The following SRRM3 variants were observed in gnomAD, a reference collection of about 807,000 sequenced individuals.
The protein encoded by SRRM3 is serine/arginine repetitive matrix 3.
In SRRM3, 27 loss-of-function variants were observed where a neutral mutation model predicts 66.2. The observed-to-expected ratio is 0.41, with a 90% confidence interval of 0.30 to 0.56. SRRM3 has a LOEUF of 0.56. Ranked by LOEUF, SRRM3 falls within the 20% of genes least tolerant of loss-of-function variation. SRRM3 has a pLI of 0.32. For missense variants in SRRM3, 918 were observed against 991.9 expected, an observed-to-expected ratio of 0.93 and a Z score of 1.00; for synonymous variants, 391 against 414.9, an observed-to-expected ratio of 0.94 and a Z score of 0.70.
chr7:76,248,128 C>A, intron 2 of SRRM3, 60 bp from the exon 3 acceptor site: 1 of 1,395,700 alleles, frequency 7.2e-7, no homozygotes. Context: ...GAGTGCGGGG[C>A]AGGAAAGAGG....
chr7:76,285,785 C>G lies in SRRM3; in HGVS notation c.1904C>G (p.Ser635Trp). 6.4e-7 allele frequency: 1 copy of G among 1,550,890 alleles called. No homozygotes were observed. The change falls in exon 15 of 15, where the codon TCG becomes TGG. Residue 635 changes from serine to tryptophan, a missense_variant. Transcript: ENST00000611745. The surrounding 1 kb of genome is among the most constrained non-coding windows in gnomAD (Gnocchi z 4.1). ...HGTRSRTRSP[S>W]RTPSPSYHSR... ...ACCCGCAGCCGGACACGCAGCCCCTCGAGGACCCCCAGTCCCAGCTACCAC... is the reference window on the plus strand; with the variant it reads ...ACCCGCAGCCGGACACGCAGCCCCTGGAGGACCCCCAGTCCCAGCTACCAC...
chr7:76,247,383 A>C (rs1801468953), intron 2 of SRRM3, among the ~76,000 whole-genome samples: 1 of 151,920 alleles, frequency 6.6e-6, no homozygotes, highest in South Asian at 2.1e-4. Context: ...TTACCCTTGC[A>C]GAAATGGGGG....
chr7:76,225,509 C>G (rs1554603658), intron 1 of SRRM3, among the ~76,000 whole-genome samples: 2 of 138,510 alleles, frequency 1.4e-5, no homozygotes, highest in Non-Finnish European at 3.1e-5. Context: ...AGAGGCTTCT[C>G]AGCCCCGGCA....
intron 11 of SRRM3, among the ~76,000 whole-genome samples, chr7:76,272,089 C>T (rs912094646): frequency 6.6e-6 from 1 of 152,172 alleles, no homozygotes; most frequent in Non-Finnish European, 1.5e-5. Flanking sequence ...CCCTCCTGTC[C>T]AGTCTTACCT....
At chr7:76,207,796 G>A (rs1800337083) in intron 1 of SRRM3, among the ~76,000 whole-genome samples, 1 of 152,188 alleles carries the variant, frequency 6.6e-6, no homozygotes, top group African/African-American at 2.4e-5. Context: ...AGGATCGCTT[G>A]AGCTCAGGAG....
intron 2 of SRRM3, among the ~76,000 whole-genome samples, chr7:76,242,986 A>T (rs892681116): frequency 6.6e-6 from 1 of 152,158 alleles, no homozygotes; most frequent in Non-Finnish European, 1.5e-5. Flanking sequence ...CCTCTGTAAT[A>T]GAGTGAGAAC....
chr7:76,254,237 T>C (rs1554607360), intron 3 of SRRM3, among the ~76,000 whole-genome samples: 1 of 151,544 alleles, frequency 6.6e-6, no homozygotes, highest in African/African-American at 2.4e-5. Context: ...CCCAGGCTGG[T>C]TTTAAACTCC....
At chr7:76,242,217 G>C (rs1473864012) in intron 2 of SRRM3, among the ~76,000 whole-genome samples, 4 of 152,288 alleles carry the variant, frequency 2.6e-5, no homozygotes, top group African/African-American at 9.6e-5. Context: ...GGGCGAGGTG[G>C]CTCACGCCTG....
intron 1 of SRRM3, among the ~76,000 whole-genome samples, chr7:76,225,526 G>A (rs2116974014): frequency 7.5e-6 from 1 of 132,546 alleles, no homozygotes. Context: ...GGCAGCAAAT[G>A]GGGCCCCCTG....
intron 10 of SRRM3, among the ~76,000 whole-genome samples, chr7:76,266,302 A>ATT (rs1554609642): frequency 8.7e-6 from 1 of 114,438 alleles, no homozygotes; most frequent in African/African-American, 3.6e-5. Context: ...TATTTAATAT[A>ATT]AATATTAACA....
chr7:76,281,701 C>T lies in SRRM3; in HGVS notation c.1269C>T (p.Leu423=). ...PAPPRGSSRS[L]SRARSSSDSG... is the part of the protein sequence containing the mutation. Reference sequence around the variant, plus strand: ...CCCCCCGGGGCTCGTCGCGCTCGCTCAGCAGGGCCCGCTCCAGCAGCGACT... The same window carrying T: ...CCCCCCGGGGCTCGTCGCGCTCGCTTAGCAGGGCCCGCTCCAGCAGCGACT... The change falls in exon 12 of 15, where the codon CTC becomes CTT. Residue 423 remains leucine, a synonymous_variant. Coordinates refer to ENST00000611745, the MANE Select transcript of SRRM3 (RefSeq NM_001110199.3). 8.8e-7 allele frequency: 1 copy of T among 1,132,502 alleles called. No homozygotes were observed. The highest frequency in any genetic ancestry group is 1.1e-6 in the Non-Finnish European group (1 of 922,022). 70.2% of individuals were successfully genotyped at this position (1,132,502 alleles called of 1,614,324 possible).
At chr7:76,262,690 C>A (rs1265133667) in intron 8 of SRRM3, among the ~76,000 whole-genome samples, 1 of 151,910 alleles carries the variant, frequency 6.6e-6, no homozygotes, top group Non-Finnish European at 1.5e-5. Context: ...GTGGCGGGTG[C>A]CTGTAATCCC....
In SRRM3 at chr7:76,235,169, G is replaced by A. The variant is rs1554604660; in HGVS notation, c.103G>A (p.Ala35Thr). 3 of 1,552,760 alleles carry A rather than the reference G, an allele frequency of 1.9e-6. No homozygotes were observed. The highest frequency in any genetic ancestry group is 2.6e-6 in the Non-Finnish European group (3 of 1,157,124). Residue 35 changes from alanine (A) to threonine (T), a missense_variant, in exon 2 of 15, where the codon GCG becomes ACG. Coordinates refer to ENST00000611745, the MANE Select transcript of SRRM3 (RefSeq NM_001110199.3). The stretch of plus-strand genomic sequence containing the variant: ...CTCCTCCTCGGGGACCTGGCCGCGG[G>A]CGGAAGAGGAGCTGCGCGCCGCGGA... ...PSSSSGTWPR[A>T]EEELRAAEPG... is the part of the protein sequence containing the mutation.
At chr7:76,269,842 C>A (rs1802168017) in intron 11 of SRRM3, 1 of 137,792 alleles carries the variant, frequency 7.3e-6, no homozygotes, top group South Asian at 2.3e-4. Context: ...CTAGAATTTT[C>A]TTTTTGTGTG....
At chr7:76,261,480 G>A (rs1801868069) in intron 7 of SRRM3, 66 bp downstream of exon 7, 1 of 1,600,042 alleles carries the variant, frequency 6.2e-7, no homozygotes, top group East Asian at 2.3e-5. Context: ...CAGGGCTGTG[G>A]CCCTCCATAG....
chr7:76,255,140 CTTTCTTTCT>C (rs1801677279), intron 3 of SRRM3, among the ~76,000 whole-genome samples: 1 of 97,148 alleles, frequency 1.0e-5, no homozygotes, highest in African/African-American at 3.7e-5. Flanking sequence ...TTCTTTCTTT[CTTTCTTTCT>C]TTTTTTTTTT....
rs950033277 is a variant in SRRM3 at position 76,225,854 on chromosome 7, T to C, written c.-39-9174T>C. 5.3e-5 allele frequency among the ~76,000 whole-genome samples: 8 copies of C among 152,226 alleles called. No homozygotes were observed. In the East Asian group the frequency reaches 9.6e-4, roughly 18 times the overall value. Reference sequence around the variant, plus strand: ...AAGATGCTATTATTAAATAGTTTCATTTTACAGGCAAGGAAACTGAGACCC... The same window carrying C: ...AAGATGCTATTATTAAATAGTTTCACTTTACAGGCAAGGAAACTGAGACCC... On this transcript the variant is annotated intron_variant, in intron 1 of 14. Transcript: ENST00000611745.
chr7:76,258,722 A>G (rs6978634), intron 3 of SRRM3, among the ~76,000 whole-genome samples: 53 of 110,570 alleles, frequency 4.8e-4, no homozygotes, highest in South Asian at 8.2e-4. Context: ...TCAAAAAAAA[A>G]AAAAAAAAAA....
intron 11 of SRRM3, among the ~76,000 whole-genome samples, chr7:76,272,409 T>A (rs57833857): frequency 0.14 from 18,276 of 130,052 alleles, 1,330 homozygotes; most frequent in East Asian, 0.24. Context: ...AAAAAAAAAA[T>A]TTTTTTTAAT....
Sources: allele counts gnomAD v4.1 joint callset (sites outside exome capture counted in the v4.1 genomes callset), GRCh38; gene constraint gnomAD v4.1.1; non-coding constraint Gnocchi (gnomAD v3.1); transcripts MANE v1.5; gene names NCBI Gene and HGNC (gene_info 2026-07-23, HGNC 2026-07-21).